The following GBE1 variants were observed in gnomAD, a reference collection of about 807,000 sequenced individuals.
GBE1 encodes 1,4-alpha-glucan-branching enzyme.
In GBE1, 70 loss-of-function variants were observed where a neutral mutation model predicts 88.8. The ratio of observed to expected loss-of-function variants is 0.79; its 90% CI spans 0.65 to 0.96. GBE1 has a LOEUF of 0.96. Among genes scored for constraint, GBE1 ranks in the 40% least tolerant of loss-of-function variants. GBE1 has a pLI of 0.00. For missense variants in GBE1, 872 were observed against 871.0 expected, an observed-to-expected ratio of 1.00 and a Z score of -0.01; for synonymous variants, 284 against 300.1, an observed-to-expected ratio of 0.95 and a Z score of 0.56.
At chr3:81,618,875 C>T (rs1704285893) in intron 7 of GBE1, among the ~76,000 whole-genome samples, 1 of 152,032 alleles carries the variant, frequency 6.6e-6, no homozygotes, top group Non-Finnish European at 1.5e-5. Flanking sequence ...CATAAATCTA[C>T]TCATCAGTCA....
chr3:81,618,378 T>C (rs1704279174), intron 7 of GBE1, among the ~76,000 whole-genome samples: 1 of 152,102 alleles, frequency 6.6e-6, no homozygotes, highest in Admixed American at 6.6e-5. Flanking sequence ...TTAACGTAAG[T>C]ACTCACAAAT....
intron 1 of GBE1, among the ~76,000 whole-genome samples, chr3:81,747,329 T>G (rs767193642): frequency 1.3e-5 from 2 of 152,186 alleles, no homozygotes; most frequent in African/African-American, 2.4e-5. Context: ...AAAGAAAATA[T>G]GTGTAAACCA....
intron 7 of GBE1, among the ~76,000 whole-genome samples, chr3:81,637,975 T>C (rs554477017): frequency 2.4e-4 from 37 of 152,220 alleles, no homozygotes; most frequent in African/African-American, 8.2e-4. Context: ...AAAAGCCATA[T>C]GGTAAGATAT....
intron 2 of GBE1, among the ~76,000 whole-genome samples, chr3:81,689,426 G>A (rs1487765155): frequency 6.6e-6 from 1 of 152,146 alleles, no homozygotes; most frequent in African/African-American, 2.4e-5. Context: ...TTAAAATAAA[G>A]AACATTTAAT....
At chr3:81,701,251 G>A (rs576847003) in intron 2 of GBE1, among the ~76,000 whole-genome samples, 1 of 152,064 alleles carries the variant, frequency 6.6e-6, no homozygotes, top group Non-Finnish European at 1.5e-5. Context: ...AGGTTGCTGC[G>A]GCAGCTGTTA....
chr3:81,524,525 G>T (rs572343405), intron 14 of GBE1, among the ~76,000 whole-genome samples: 1 of 151,664 alleles, frequency 6.6e-6, no homozygotes. Flanking sequence ...CCTATGCTTA[G>T]TTTAGGCATA....
intron 1 of GBE1, among the ~76,000 whole-genome samples, chr3:81,706,130 C>T (rs369329251): frequency 8.5e-5 from 13 of 152,186 alleles, no homozygotes; most frequent in African/African-American, 1.9e-4. Context: ...CTCTGAAGTA[C>T]GAAAGGGGCC....
intron 7 of GBE1, chr3:81,612,192 C>T (rs1446142394): frequency 6.4e-6 from 2 of 313,952 alleles, no homozygotes; most frequent in Admixed American, 1.1e-4. Context: ...AATCATGCCA[C>T]TTTTACAGTG....
intron 9 of GBE1, 90 bp downstream of exon 9, chr3:81,590,947 C>T: frequency 8.9e-7 from 1 of 1,124,598 alleles, no homozygotes. Flanking sequence ...CAATTATTGA[C>T]AACATGAGAT....
chr3:81,561,344 G>T (rs1444814558), intron 12 of GBE1, among the ~76,000 whole-genome samples: 1 of 151,992 alleles, frequency 6.6e-6, no homozygotes. Flanking sequence ...ATATGAATAT[G>T]CAGTAAAAAT....
At chr3:81,695,327 A>T (rs150460856) in intron 2 of GBE1, among the ~76,000 whole-genome samples, 18 of 152,372 alleles carry the variant, frequency 1.2e-4, no homozygotes, top group Non-Finnish European at 2.2e-4. Context: ...CATAAAGAGT[A>T]CTGTTACATG....
chr3:81,567,927 C>G (rs1703514359), intron 12 of GBE1, among the ~76,000 whole-genome samples: 1 of 152,126 alleles, frequency 6.6e-6, no homozygotes, highest in Admixed American at 6.6e-5. Context: ...TTACCAAGAC[C>G]TATAATGACC....
At chr3:81,650,698 C>T (rs1704834895) in intron 3 of GBE1, among the ~76,000 whole-genome samples, 1 of 152,162 alleles carries the variant, frequency 6.6e-6, no homozygotes. Context: ...CAGGGACTCA[C>T]TCTGTCACCC....
chr3:81,608,291 G>A (rs1485426844), intron 7 of GBE1, among the ~76,000 whole-genome samples: 1 of 152,146 alleles, frequency 6.6e-6, no homozygotes, highest in African/African-American at 2.4e-5. Context: ...TTTGCACAAG[G>A]AAAGAAAGGG....
chr3:81,750,576 CGT>C (rs1491548652), intron 1 of GBE1, among the ~76,000 whole-genome samples: 2 of 46,060 alleles, frequency 4.3e-5, no homozygotes, highest in South Asian at 5.3e-4. Context: ...TATATATATA[CGT>C]ATATATATAC....
chr3:81,540,327 TAC>T (rs1224735259), intron 12 of GBE1, among the ~76,000 whole-genome samples: 1 of 152,036 alleles, frequency 6.6e-6, no homozygotes, highest in Non-Finnish European at 1.5e-5. Flanking sequence ...GGCTGGAATC[TAC>T]AGTTTATCAA....
intron 12 of GBE1, among the ~76,000 whole-genome samples, chr3:81,575,187 A>C (rs1218588151): frequency 6.6e-6 from 1 of 151,760 alleles, no homozygotes; most frequent in African/African-American, 2.4e-5. Context: ...AAAAGTAGAG[A>C]ATGCTATGTC....
intron 2 of GBE1, among the ~76,000 whole-genome samples, chr3:81,690,863 A>G (rs978364219): frequency 6.6e-6 from 1 of 151,984 alleles, no homozygotes; most frequent in Non-Finnish European, 1.5e-5. Flanking sequence ...TTATTGTCCT[A>G]CGCTAGACAT....
chr3:81,623,123 A>C (rs1299335440), intron 7 of GBE1, among the ~76,000 whole-genome samples: 1 of 152,220 alleles, frequency 6.6e-6, no homozygotes, highest in Admixed American at 6.5e-5. Flanking sequence ...ATAAAACAGA[A>C]GAAAACTGAA....
Sources: allele counts gnomAD v4.1 joint callset (sites outside exome capture counted in the v4.1 genomes callset), GRCh38; gene constraint gnomAD v4.1.1; transcripts MANE v1.5; gene names NCBI Gene and HGNC (gene_info 2026-07-23, HGNC 2026-07-21).